SHISA9: variants seen among roughly 807,000 people sequenced by gnomAD.
SHISA9 encodes shisa family member 9, also known as protein shisa-9.
A neutral mutation model predicts 38.0 loss-of-function variants in SHISA9; 13 were observed. The observed-to-expected ratio is 0.34, with a 90% CI of 0.22 to 0.54. The LOEUF (loss-of-function observed/expected upper bound fraction) is 0.54. SHISA9 is among the 20% of genes least tolerant of loss of function. SHISA9 has a pLI of 0.91. For missense variants in SHISA9, 538 were observed against 575.8 expected (o/e 0.93, Z 0.67); for synonymous variants, 275 against 242.0 (o/e 1.14, Z -1.27).
At chr16:13,310,473 A>T in the SHISA9 span, among the ~76,000 whole-genome samples, 1 of 152,080 alleles carries the variant, frequency 6.6e-6, no homozygotes, top group Non-Finnish European at 1.5e-5. Flanking sequence ...CAGAATTGCT[A>T]TCTTGATTTT....
chr16:13,070,846 T>C (rs2073505292), intron 2 of SHISA9, among the ~76,000 whole-genome samples: 1 of 152,076 alleles, frequency 6.6e-6, no homozygotes, highest in Non-Finnish European at 1.5e-5. Context: ...CCCAGGAGTG[T>C]TGTATCATTA....
the SHISA9 span, among the ~76,000 whole-genome samples, chr16:13,431,939 C>T: frequency 3.7e-4 from 57 of 152,200 alleles, no homozygotes; most frequent in Middle Eastern, 3.4e-3. Flanking sequence ...CACACGCCTG[C>T]AGTCCCAGCT....
At chr16:13,343,176 A>T in the SHISA9 span, among the ~76,000 whole-genome samples, 2 of 152,186 alleles carry the variant, frequency 1.3e-5, no homozygotes, top group African/African-American at 4.8e-5. Flanking sequence ...GTCAATAGAG[A>T]AACTGGAAAA....
At chr16:13,507,549 T>C in the SHISA9 span, among the ~76,000 whole-genome samples, 1 of 152,108 alleles carries the variant, frequency 6.6e-6, no homozygotes, top group African/African-American at 2.4e-5. Flanking sequence ...GCCCAAGAAT[T>C]GATGTTATTA....
At chr16:13,299,775 T>C in the SHISA9 span, among the ~76,000 whole-genome samples, 1 of 152,016 alleles carries the variant, frequency 6.6e-6, no homozygotes, top group Admixed American at 6.6e-5. Context: ...AACCATCCTG[T>C]AGAAATGGGG....
chr16:13,081,022 A>T (rs1321377725), intron 2 of SHISA9, among the ~76,000 whole-genome samples: 1 of 151,832 alleles, frequency 6.6e-6, no homozygotes. Flanking sequence ...TTACCTAATT[A>T]CCTCCCCAAA....
At chr16:13,317,762 G>C in the SHISA9 span, among the ~76,000 whole-genome samples, 1 of 152,294 alleles carries the variant, frequency 6.6e-6, no homozygotes. Flanking sequence ...GTCCCTTCAT[G>C]TGTCAAACTT....
At chr16:13,288,766 G>A in the SHISA9 span, among the ~76,000 whole-genome samples, 3 of 152,240 alleles carry the variant, frequency 2.0e-5, no homozygotes, top group South Asian at 4.1e-4. Context: ...ACTCCAGCTT[G>A]GTGACAGAGC....
chr16:12,973,053 T>C (rs989779506), intron 2 of SHISA9, among the ~76,000 whole-genome samples: 2 of 151,880 alleles, frequency 1.3e-5, no homozygotes, highest in East Asian at 3.9e-4. Context: ...GAGGCGGAGG[T>C]TGCAGTGAGC....
intron 2 of SHISA9, among the ~76,000 whole-genome samples, chr16:13,046,791 C>G (rs905109217): frequency 1.3e-5 from 2 of 152,160 alleles, no homozygotes; most frequent in Non-Finnish European, 2.9e-5. Flanking sequence ...CATTCACCTC[C>G]AAGTCTTTGA....
the SHISA9 span, among the ~76,000 whole-genome samples, chr16:13,429,613 A>T: frequency 1.1e-4 from 17 of 152,320 alleles, no homozygotes; most frequent in Admixed American, 4.6e-4. Flanking sequence ...CAAAGGCTTT[A>T]TTCCAAATAA....
chr16:13,227,612 G>C (rs1426477809), intron 4 of SHISA9, among the ~76,000 whole-genome samples: 1 of 152,182 alleles, frequency 6.6e-6, no homozygotes, highest in African/African-American at 2.4e-5. Flanking sequence ...GAAGTCTAAA[G>C]GGGAATCTTA....
intron 2 of SHISA9, among the ~76,000 whole-genome samples, chr16:12,935,485 A>C (rs1055711324): frequency 2.0e-5 from 3 of 152,130 alleles, no homozygotes; most frequent in Non-Finnish European, 4.4e-5. Context: ...AAGCCTATGG[A>C]ATGTCTCCAG....
At chr16:13,225,625 G>A (rs749514629) in intron 4 of SHISA9, among the ~76,000 whole-genome samples, 1 of 152,184 alleles carries the variant, frequency 6.6e-6, no homozygotes, top group Non-Finnish European at 1.5e-5. Flanking sequence ...TACCAAGAAA[G>A]AATGAGTGGT....
intron 2 of SHISA9, among the ~76,000 whole-genome samples, chr16:12,996,208 C>T (rs2072455233): frequency 6.6e-6 from 1 of 152,108 alleles, no homozygotes; most frequent in South Asian, 2.1e-4. Context: ...TTGAGCTACA[C>T]AATGTGTTTT....
the SHISA9 span, among the ~76,000 whole-genome samples, chr16:13,255,301 T>C: frequency 2.6e-5 from 4 of 152,336 alleles, no homozygotes; most frequent in South Asian, 2.1e-4. Flanking sequence ...TCTTCCTTTT[T>C]GTTTCATGCA....
the SHISA9 span, among the ~76,000 whole-genome samples, chr16:13,434,698 A>G: frequency 1.3e-5 from 2 of 152,126 alleles, no homozygotes; most frequent in African/African-American, 4.8e-5. Context: ...GATTACAGGC[A>G]TGAGCCACCG....
rs1271518422 is a variant in SHISA9, at chr16:13,084,069, G to T, written c.692-119325G>T. ...GGAGGCAAATTTCTTGCCTCTTGCA[G>T]TGAGGTTATTCATATGATCATAGTT... On this transcript the variant is annotated intron_variant, in intron 2 of 4. Transcript: ENST00000558583. 2.6e-5 allele frequency among the ~76,000 whole-genome samples: 4 copies of T among 151,332 alleles called. No homozygotes were observed. The Admixed American group carries it at 2.6e-4, about 10-fold the overall frequency.
the SHISA9 span, among the ~76,000 whole-genome samples, chr16:13,421,323 G>A: frequency 6.6e-6 from 1 of 152,178 alleles, no homozygotes; most frequent in East Asian, 1.9e-4. Flanking sequence ...AAGAAAAAGA[G>A]GTGTAATTGG....
Sources: allele counts gnomAD v4.1 joint callset (sites outside exome capture counted in the v4.1 genomes callset), GRCh38; gene constraint gnomAD v4.1.1; transcripts MANE v1.5; gene names NCBI Gene and HGNC (gene_info 2026-07-23, HGNC 2026-07-21).